Variants in NRG1 observed in about 807,000 individuals in gnomAD.
NRG1 encodes pro-neuregulin-1, membrane-bound isoform.
Under a neutral mutation model 63.8 loss-of-function variants are expected in NRG1, and 18 were observed. The observed-to-expected ratio is 0.28, with a 90% CI of 0.19 to 0.42. The LOEUF (loss-of-function observed/expected upper bound fraction) is 0.42, where lower values mean the gene tolerates loss of function less well. Ranked by LOEUF, NRG1 falls within the 10% of genes least tolerant of loss-of-function variation. The probability of loss-of-function intolerance (pLI) is 1.00; values close to 1 mark genes in which losing one functional copy is unlikely to be tolerated. For synonymous variants in NRG1, 302 were observed against 301.3 expected, an observed-to-expected ratio of 1.00 and a Z score of -0.02; for missense variants, 762 against 814.7, an observed-to-expected ratio of 0.94 and a Z score of 0.79.
intron 7 of NRG1, among the ~76,000 whole-genome samples, chr8:32,751,612 A>G (rs1282202492): frequency 6.6e-6 from 1 of 152,186 alleles, no homozygotes; most frequent in African/African-American, 2.4e-5. Flanking sequence ...CAATGAGGAT[A>G]AGGGTTGTAG....
intron 5 of NRG1, among the ~76,000 whole-genome samples, chr8:32,657,209 A>G (rs556424467): frequency 8.6e-5 from 13 of 151,686 alleles, no homozygotes; most frequent in South Asian, 2.1e-4. Flanking sequence ...AGAAGACCCT[A>G]TATCTTCCAG....
intron 1 of NRG1, among the ~76,000 whole-genome samples, chr8:32,160,842 A>G (rs1585740543): frequency 6.6e-6 from 1 of 152,232 alleles, no homozygotes; most frequent in Non-Finnish European, 1.5e-5. Context: ...GCACTTAAAG[A>G]GAGATGAATC....
chr8:32,601,394 A>G (rs954651549), intron 2 of NRG1, among the ~76,000 whole-genome samples: 1 of 152,184 alleles, frequency 6.6e-6, no homozygotes, highest in South Asian at 2.1e-4. Context: ...GCAGGTGGCT[A>G]TCCAGACTTG....
At chr8:31,931,261 A>G (rs16878478) in intron 1 of NRG1, among the ~76,000 whole-genome samples, 1,660 of 152,192 alleles carry the variant, frequency 0.011, 29 homozygotes, top group African/African-American at 0.038. Context: ...GCTACCATAT[A>G]CTTCTCTTTT....
chr8:32,317,114 T>G (rs1470089466), intron 1 of NRG1, among the ~76,000 whole-genome samples: 1 of 148,542 alleles, frequency 6.7e-6, no homozygotes, highest in East Asian at 1.9e-4. Flanking sequence ...GTATACGTTC[T>G]CTCCATGATT....
chr8:32,001,241 C>A (rs912627298), intron 1 of NRG1, among the ~76,000 whole-genome samples: 1 of 151,934 alleles, frequency 6.6e-6, no homozygotes, highest in Non-Finnish European at 1.5e-5. Context: ...TGGGAGGGAC[C>A]CAGTGGGAGA....
upstream of NRG1, among the ~76,000 whole-genome samples, chr8:32,546,511 G>A (rs1002711250): frequency 2.0e-5 from 3 of 152,108 alleles, no homozygotes; most frequent in Non-Finnish European, 4.4e-5. Flanking sequence ...TGCTTACTGA[G>A]CAGTGGCCCC....
chr8:31,709,824 G>A (rs867909226), intron 1 of NRG1, among the ~76,000 whole-genome samples: 1 of 151,108 alleles, frequency 6.6e-6, no homozygotes, highest in African/African-American at 2.4e-5. Flanking sequence ...TTTGTAGTTT[G>A]TTCATATTTC....
At chr8:32,610,770 A>G (rs191531909) in intron 3 of NRG1, among the ~76,000 whole-genome samples, 277 of 152,278 alleles carry the variant, frequency 1.8e-3, no homozygotes, top group Non-Finnish European at 3.3e-3. Flanking sequence ...CAATCTGCTA[A>G]TTACTTCTGG....
At chr8:31,728,580 AG>A (rs1813693093) in intron 1 of NRG1, among the ~76,000 whole-genome samples, 2 of 152,260 alleles carry the variant, frequency 1.3e-5, no homozygotes, top group Admixed American at 6.5e-5. Flanking sequence ...AAAAACCAAA[AG>A]GGTGCATCAA....
intron 1 of NRG1, among the ~76,000 whole-genome samples, chr8:32,285,227 G>T (rs754563667): frequency 1.3e-5 from 2 of 152,108 alleles, no homozygotes; most frequent in African/African-American, 2.4e-5. Flanking sequence ...TAGCCCAAAT[G>T]CATCACCTGT....
At chr8:32,388,867 C>T (rs1349796746) in intron 1 of NRG1, among the ~76,000 whole-genome samples, 3 of 151,976 alleles carry the variant, frequency 2.0e-5, no homozygotes, top group African/African-American at 7.3e-5. Flanking sequence ...AAAGAAGGAA[C>T]GTTCCAGATG....
chr8:32,637,736 C>T (rs947854478), intron 5 of NRG1, among the ~76,000 whole-genome samples: 4 of 152,158 alleles, frequency 2.6e-5, no homozygotes, highest in East Asian at 1.9e-4. Flanking sequence ...ATTCAGGTAG[C>T]GTCTAATCTC....
chr8:31,647,290 C>A (rs1804378369), intron 1 of NRG1, among the ~76,000 whole-genome samples: 1 of 152,210 alleles, frequency 6.6e-6, no homozygotes, highest in Non-Finnish European at 1.5e-5. Context: ...ATCAGTTCCT[C>A]TTTACTTATT....
chr8:32,664,019 C>G (rs918314590), intron 5 of NRG1, among the ~76,000 whole-genome samples: 1 of 152,152 alleles, frequency 6.6e-6, no homozygotes, highest in Non-Finnish European at 1.5e-5. Flanking sequence ...AACATCCATC[C>G]TACCACATAG....
intron 5 of NRG1, among the ~76,000 whole-genome samples, chr8:32,661,959 G>A (rs564330393): frequency 6.6e-6 from 1 of 152,170 alleles, no homozygotes; most frequent in Non-Finnish European, 1.5e-5. Flanking sequence ...GGTGACCATC[G>A]TTTCTAAGAG....
At chr8:31,639,245 A>G in exon 1 of NRG1, 1 of 944,762 alleles carries the variant, frequency 1.1e-6, no homozygotes, top group African/African-American at 1.6e-5. Context: ...CTCACTCCCC[A>G]GTAAGCCTCC....
intron 1 of NRG1, among the ~76,000 whole-genome samples, chr8:32,019,333 C>A (rs940457541): frequency 2.0e-5 from 3 of 152,218 alleles, no homozygotes; most frequent in Non-Finnish European, 4.4e-5. Flanking sequence ...CTCCTGACAT[C>A]ATGATCTGCT....
chr8:32,670,535 C>G (rs375007650), intron 5 of NRG1, among the ~76,000 whole-genome samples: 1 of 152,070 alleles, frequency 6.6e-6, no homozygotes, highest in Non-Finnish European at 1.5e-5. Flanking sequence ...ACACCTCCTC[C>G]CATCAAAGCT....
Sources: gnomAD v4.1 joint callset for allele counts (sites outside exome capture counted in the v4.1 genomes callset) on GRCh38, gnomAD v4.1.1 for gene constraint, MANE v1.5 for transcripts, NCBI Gene and HGNC (gene_info 2026-07-23, HGNC 2026-07-21) for gene names.